LAMA5: variants seen among roughly 807,000 people sequenced by gnomAD.
LAMA5 encodes the protein laminin subunit alpha 5, also known as laminin subunit alpha-5.
A neutral mutation model predicts 433.4 loss-of-function variants in LAMA5; 260 were observed. The ratio of observed to expected loss-of-function variants is 0.60; its 90% CI spans 0.54 to 0.66. The LOEUF is 0.66. LAMA5 is among the 30% of genes least tolerant of loss of function. The pLI, the probability that LAMA5 is intolerant of heterozygous loss-of-function variation, is 0.00. For missense variants in LAMA5, 5,378 were observed against 5,258.5 expected (o/e 1.02, Z -0.70); for synonymous variants, 2,620 against 2,226.6 (o/e 1.18, Z -4.97).
chr20:62,335,178 G>T (rs1391029750), intron 19 of LAMA5, 39 bp downstream of exon 19: 7 of 1,612,372 alleles, frequency 4.3e-6, no homozygotes, highest in Non-Finnish European at 5.9e-6. Flanking sequence ...CCTGACCAGT[G>T]TGCCCCCAAA....
At position 62,314,873 on chromosome 20, in the gene LAMA5, C is replaced by T. The variant is rs140483668; in HGVS notation, c.8122G>A (p.Ala2708Thr). The change falls in exon 60 of 80, where the codon GCC (alanine) becomes ACC (threonine). Residue 2708 changes from alanine (A) to threonine (T), a missense_variant. Transcript: ENST00000252999. ...ATGCTGGCGGACAGGGCCAGGCTGG[C>T]GTTGTGCACCCCACGGTTCTCCAGG... ...SILENRGVHN[A>T]SLALSASIGR... is the part of the protein sequence containing the mutation. The T allele has an allele frequency of 3.7e-5, 60 of 1,612,018 alleles. No homozygotes were observed. The highest frequency in any genetic ancestry group is 4.6e-5 in the Non-Finnish European group (54 of 1,179,856).
At chr20:62,319,909 T>A (rs532098640) in intron 50 of LAMA5, 114 bp from the exon 51 acceptor site, 2 of 624,596 alleles carry the variant, frequency 3.2e-6, no homozygotes, top group Admixed American at 2.7e-5. Flanking sequence ...GGGCCCCTTA[T>A]CTATTTAACT....
At chr20:62,352,215 G>C in intron 4 of LAMA5, 27 bp downstream of exon 4, 2 of 1,564,160 alleles carry the variant, frequency 1.3e-6, no homozygotes, top group Non-Finnish European at 1.7e-6. Flanking sequence ...TCCAGCCCCC[G>C]TACCGCCCTG....
rs1986993518 is a variant in LAMA5 at position 62,316,877 on chromosome 20, C to T, written c.7653+5G>A. The T allele has an allele frequency of 1.3e-6, 2 of 1,530,476 alleles. No homozygotes were observed. The highest frequency in any genetic ancestry group is 1.8e-6 in the Non-Finnish European group (2 of 1,137,968). The allele number at this position is 1,530,476 out of a possible 1,614,324, so 94.8% of individuals were successfully genotyped here. On this transcript the variant is annotated splice_donor_5th_base_variant and intron_variant, in intron 56 of 79. Coordinates refer to ENST00000252999, the MANE Select transcript of LAMA5 (RefSeq NM_005560.6). ...CTGGGGCTGAGGGGAAGTGAGGGGC[C>T]TCACCGCCCACGTGTGGTCCGCCTG...
Position 62,322,466 on chromosome 20 carries a change from T to A in LAMA5, c.6166-17A>T. ...ATGTCCCTCCTGTGGCACAGGCTGG[T>A]CACTGCCCTGCCCAGCCCTCAAGAC... is the stretch of plus-strand genomic sequence containing the variant. On this transcript the variant is annotated splice_polypyrimidine_tract_variant and intron_variant, in intron 46 of 79. Coordinates refer to ENST00000252999, the MANE Select transcript of LAMA5 (RefSeq NM_005560.6). The A allele has an allele frequency of 1.3e-6, 2 of 1,563,634 alleles. No homozygotes were observed. The highest frequency in any genetic ancestry group is 2.3e-5 in the South Asian group (2 of 85,496).
intron 48 of LAMA5, among the ~76,000 whole-genome samples, 191 bp downstream of exon 48, chr20:62,321,827 AG>A (rs1437339697): frequency 6.6e-6 from 1 of 150,656 alleles, no homozygotes; most frequent in East Asian, 2.0e-4. Flanking sequence ...GGGACAGTAG[AG>A]GGGTGCAGCC....
At position 62,311,723 on chromosome 20, in the gene LAMA5, CG is replaced by C; in HGVS notation, c.9696del (p.Glu3233SerfsTer56). The C allele has an allele frequency of 1.3e-6, 2 of 1,563,418 alleles. No individual in the cohort carries two copies. The highest frequency in any genetic ancestry group is 8.7e-7 in the Non-Finnish European group (1 of 1,155,088). On this transcript the variant is annotated frameshift_variant, in exon 71 of 80. Coordinates refer to ENST00000252999, the MANE Select transcript of LAMA5 (RefSeq NM_005560.6). LOFTEE classifies it high-confidence loss of function. ...GGCCCCTCAGGCTGCGGCTGGAGCT[CG>C]GGGGGTGGTCCCCGGTGGGGCTTCA... ...QQMKPHRGPP[P>X]ELQPQPEGPP...
Position 62,320,588 on chromosome 20 carries a change from C to G in LAMA5, c.6730G>C (p.Gly2244Arg). Residue 2244 changes from glycine (G) to arginine (R), a missense_variant, in exon 50 of 80, where the codon GGG (glycine) becomes CGG (arginine). By Grantham distance (125) the Gly-to-Arg change is moderately radical. Transcript: ENST00000252999. ...EVLEQQSTSL[G>R]QDARRLGGQA... ...CCGCCTAGCCGCCGTGCGTCCTGCC[C>G]GAGGCTTGTGCTCTGCTGCTCCAGC... The G allele has an allele frequency of 1.9e-6, 3 of 1,603,830 alleles. No homozygotes were observed. Among genetic ancestry groups the G allele is most frequent in the Non-Finnish European group, 2.5e-6 (3 of 1,178,588 alleles).
Position 62,324,438 on chromosome 20 carries a change from C to T in LAMA5, c.5643+3G>A. 1.2e-6 allele frequency: 2 copies of T among 1,608,320 alleles called. No homozygotes were observed. The highest frequency in any genetic ancestry group is 2.2e-5 in the East Asian group (1 of 44,824). ...CCCCCTGGCCCCACCAGCCCCTACT[C>T]ACCACACAGACGCCAGAGCCAGGGA... On this transcript the variant is annotated splice_donor_region_variant and intron_variant, in intron 42 of 79. Coordinates refer to ENST00000252999, the MANE Select transcript of LAMA5 (RefSeq NM_005560.6). The surrounding 1 kb of genome is among the most constrained non-coding windows in gnomAD (Gnocchi z 4.4).
At chr20:62,326,468 T>C in intron 40 of LAMA5, 1 of 545,328 alleles carries the variant, frequency 1.8e-6, no homozygotes, top group South Asian at 2.4e-5. Context: ...ACAAAGCAGG[T>C]GGGAAGACAG....
intron 70 of LAMA5, 59 bp downstream of exon 70, chr20:62,311,861 C>A: frequency 6.8e-7 from 1 of 1,477,654 alleles, no homozygotes; most frequent in Non-Finnish European, 9.2e-7. Context: ...GAGGTCCAGG[C>A]AAGTGCAGGC....
chr20:62,334,968 AT>A (rs1189453393), intron 20 of LAMA5, 52 bp downstream of exon 20: 13 of 1,551,112 alleles, frequency 8.4e-6, no homozygotes, highest in Non-Finnish European at 1.2e-5. Context: ...GTTCCCCAGC[AT>A]AAACCGAGGG....
Position 62,310,158 on chromosome 20 carries a change from G to A in LAMA5, c.10734+20C>T, listed in dbSNP as rs749728233. The A allele has an allele frequency of 1.2e-5, 20 of 1,611,940 alleles. No homozygotes were observed. Among genetic ancestry groups the A allele is most frequent in the South Asian group, 4.4e-5 (4 of 91,080 alleles). On this transcript the variant is annotated intron_variant, in intron 77 of 79. Transcript: ENST00000252999. The stretch of plus-strand genomic sequence containing the variant: ...GGGGAGGCAAACCCTGCCCTGGCAC[G>A]CCACCTCTGCCAGGCTTACTTGCTT...
intron 2 of LAMA5, among the ~76,000 whole-genome samples, chr20:62,358,328 T>C (rs1043097453): frequency 6.6e-6 from 1 of 152,256 alleles, no homozygotes; most frequent in East Asian, 1.9e-4. Flanking sequence ...ACCCCCGCCG[T>C]ACCCCCCAGG....
rs149541806 is a variant in LAMA5, at chr20:62,352,073, C to T, written c.694G>A (p.Val232Met). ...IVPLENGEIV[V>M]SLVNGRPGAM... ...CCCGGACGTCCGTTCACCAGGGACA[C>T]CACGATCTGTGGGCAGTATGCGGTG... The change falls in exon 5 of 80, where the codon GTG (valine) becomes ATG (methionine). Residue 232 changes from valine to methionine, a missense_variant. Transcript: ENST00000252999. The T allele has an allele frequency of 1.8e-4, 294 of 1,611,620 alleles. 1 individual carries two copies. In the African/African-American group the frequency reaches 3.5e-3, roughly 19 times the overall value.
chr20:62,339,488 GGCC>G (rs1334118194), intron 11 of LAMA5, among the ~76,000 whole-genome samples: 4 of 151,902 alleles, frequency 2.6e-5, no homozygotes, highest in Non-Finnish European at 4.4e-5. Context: ...CGCCTGCCTC[GGCC>G]TCCCAAAGTG....
At chr20:62,311,125 G>A in intron 73 of LAMA5, 31 bp from the exon 74 acceptor site, 1 of 1,561,086 alleles carries the variant, frequency 6.4e-7, no homozygotes, top group Non-Finnish European at 8.7e-7. Flanking sequence ...AGCCTGCGCG[G>A]CCCCTCTCAG....
chr20:62,314,080 C>T lies in LAMA5; in HGVS notation c.8504+224G>A, dbSNP rs113821390. ...GAGGGGTGGCGGGTGGGCACAGAGA[C>T]GAGGGGTGGCGAGTGGGCACAGACG... On this transcript the variant is annotated intron_variant, in intron 62 of 79. Coordinates refer to ENST00000252999, the MANE Select transcript of LAMA5 (RefSeq NM_005560.6). Among the ~76,000 whole-genome samples the T allele has an allele frequency of 3.4e-3, 49 of 14,382 alleles. 9 individuals are homozygous for T. Among genetic ancestry groups the T allele is most frequent in the African/African-American group, 0.011 (40 of 3,620 alleles). The allele number at this position is 14,382 out of a possible 152,430, so 9.4% of individuals were successfully genotyped here.
At chr20:62,337,500 A>G (rs1981861896) in intron 16 of LAMA5, 90 bp downstream of exon 16, 1 of 1,497,060 alleles carries the variant, frequency 6.7e-7, no homozygotes, top group African/African-American at 1.4e-5. Context: ...ATGCACGTGA[A>G]CAGCCTCACA....
Sources: allele counts gnomAD v4.1 joint callset (sites outside exome capture counted in the v4.1 genomes callset), GRCh38; gene constraint gnomAD v4.1.1; non-coding constraint Gnocchi (gnomAD v3.1); transcripts MANE v1.5; gene names NCBI Gene and HGNC (gene_info 2026-07-23, HGNC 2026-07-21).